CASK: variants seen among roughly 807,000 people sequenced by gnomAD.
CASK encodes the protein peripheral plasma membrane protein CASK.
In CASK, 4 loss-of-function variants were observed where a neutral mutation model predicts 82.9. That is an observed-to-expected ratio of 0.05 (90% CI 0.02 to 0.11). The LOEUF (loss-of-function observed/expected upper bound fraction) is 0.11, where lower values mean the gene tolerates loss of function less well. Among genes scored for constraint, CASK ranks in the 10% least tolerant of loss-of-function variants. CASK has a pLI of 1.00. For synonymous variants in CASK, 259 were observed against 253.5 expected (o/e 1.02, Z -0.20); for missense variants, 358 against 720.9 (o/e 0.50, Z 5.76).
At chrX:41,627,610 C>G (rs1282484120) in intron 9 of CASK, among the ~76,000 whole-genome samples, 2 of 111,716 alleles carry the variant, frequency 1.8e-5, no homozygotes, top group African/African-American at 6.5e-5. Flanking sequence ...CTGCATGCCT[C>G]TGTGTACCCA....
At chrX:41,594,124 C>A (rs1287500325) in intron 12 of CASK, among the ~76,000 whole-genome samples, 1 of 111,766 alleles carries the variant, frequency 8.9e-6, no homozygotes, top group African/African-American at 3.3e-5. Flanking sequence ...AAGCTAAGGC[C>A]AAGAGGAAGT....
chrX:41,873,911 C>T (rs771817316), intron 1 of CASK, among the ~76,000 whole-genome samples: 12 of 108,084 alleles, frequency 1.1e-4, no homozygotes, highest in Non-Finnish European at 1.7e-4. Context: ...CTGCCTCAGC[C>T]TCCTGAGTGG....
At chrX:41,839,640 C>G (rs916565623) in intron 2 of CASK, among the ~76,000 whole-genome samples, 2 of 108,694 alleles carry the variant, frequency 1.8e-5, no homozygotes, top group Non-Finnish European at 3.8e-5. Context: ...CTTATATTTA[C>G]CTTTCTTCCC....
chrX:41,696,302 T>C (rs1201603539), intron 5 of CASK: 2 of 1,182,395 alleles, frequency 1.7e-6, no homozygotes, highest in African/African-American at 3.6e-5. Flanking sequence ...ACTTCATTCT[T>C]GTGGTAATGT....
chrX:41,780,277 A>G (rs988597432), intron 3 of CASK, among the ~76,000 whole-genome samples: 2 of 112,485 alleles, frequency 1.8e-5, no homozygotes, highest in Non-Finnish European at 3.7e-5. Context: ...GCAAATTGCT[A>G]CAGACAGGTT....
chrX:41,880,566 C>T (rs779009895), intron 1 of CASK, among the ~76,000 whole-genome samples: 26 of 111,405 alleles, frequency 2.3e-4, no homozygotes, highest in African/African-American at 8.5e-4. Flanking sequence ...AATATTCTGC[C>T]TCACCATTGG....
intron 12 of CASK, among the ~76,000 whole-genome samples, chrX:41,601,103 G>A (rs1254406130): frequency 9.0e-6 from 1 of 111,246 alleles, no homozygotes; most frequent in Non-Finnish European, 1.9e-5. Flanking sequence ...TAAGGAGAGG[G>A]GTGAATGGGA....
intron 5 of CASK, among the ~76,000 whole-genome samples, chrX:41,737,928 C>T (rs1210536745): frequency 8.8e-6 from 1 of 113,015 alleles, no homozygotes; most frequent in African/African-American, 3.2e-5. Context: ...CTACAGTTGA[C>T]AATTTCCCGC....
At chrX:41,887,981 C>T (rs1295654159) in intron 1 of CASK, among the ~76,000 whole-genome samples, 2 of 111,934 alleles carry the variant, frequency 1.8e-5, no homozygotes, top group Non-Finnish European at 3.8e-5. Context: ...TCTTCTTTCT[C>T]CATTTCATTT....
intron 3 of CASK, among the ~76,000 whole-genome samples, chrX:41,784,859 G>C (rs967421571): frequency 4.5e-5 from 5 of 110,542 alleles, no homozygotes; most frequent in African/African-American, 1.3e-4. Context: ...CTGGGTGACA[G>C]AGTGAGACTC....
chrX:41,564,572 T>C lies in CASK; in HGVS notation c.1583-2928A>G, dbSNP rs182147017. 1.3e-4 allele frequency among the ~76,000 whole-genome samples: 15 copies of C among 111,558 alleles called. No homozygotes were observed. In the East Asian group the frequency reaches 3.9e-3, roughly 29 times the overall value. ...CAAGAATAGGACGGGATGTCTACTA[T>C]ACCACTCCTTGAAAGACTGCCGGTC... On this transcript the variant is annotated intron_variant, in intron 16 of 26. Coordinates refer to ENST00000378163, the MANE Select transcript of CASK (RefSeq NM_001367721.1).
chrX:41,555,981 A>T, intron 19 of CASK: 1 of 164,681 alleles, frequency 6.1e-6, no homozygotes, highest in Non-Finnish European at 1.2e-5. Flanking sequence ...AGTCACTGCA[A>T]CCATTTAGAT....
intron 2 of CASK, among the ~76,000 whole-genome samples, chrX:41,830,817 C>CAAAAAAAAAAAA (rs780864898): frequency 2.7e-5 from 1 of 36,964 alleles, no homozygotes. Context: ...GAGACTCTGC[C>CAAAAAAAAAAAA]AAAAAAAAAA....
intron 20 of CASK, among the ~76,000 whole-genome samples, chrX:41,554,738 A>G (rs1013005199): frequency 9.8e-5 from 11 of 112,099 alleles, no homozygotes; most frequent in African/African-American, 3.6e-4. Flanking sequence ...AAGGTAATTC[A>G]TACCCAATGT....
At chrX:41,874,250 C>A (rs963414303) in intron 1 of CASK, among the ~76,000 whole-genome samples, 1 of 111,343 alleles carries the variant, frequency 9.0e-6, no homozygotes, top group African/African-American at 3.3e-5. Flanking sequence ...TAAACGTGTG[C>A]CATGGTGGTT....
chrX:41,559,628 C>T, intron 18 of CASK, 151 bp downstream of exon 18: 1 of 538,732 alleles, frequency 1.9e-6, no homozygotes, highest in Non-Finnish European at 3.3e-6. Context: ...ATGGGACCTA[C>T]TCTGTTCCGT....
At chrX:41,797,035 C>T (rs2069868902) in intron 2 of CASK, among the ~76,000 whole-genome samples, 1 of 111,409 alleles carries the variant, frequency 9.0e-6, no homozygotes, top group East Asian at 2.8e-4. Context: ...GAAAGCCTTC[C>T]AAAAAATCTT....
In CASK at chrX:41,564,131, T is replaced by C. The variant is rs189945166; in HGVS notation, c.1583-2487A>G. Among the ~76,000 whole-genome samples the C allele has an allele frequency of 4.4e-3, 497 of 111,974 alleles. 4 individuals are homozygous for C. Among genetic ancestry groups the C allele is most frequent in the African/African-American group, 0.015 (476 of 30,811 alleles). On this transcript the variant is annotated intron_variant, in intron 16 of 26. Coordinates refer to ENST00000378163, the MANE Select transcript of CASK (RefSeq NM_001367721.1). ...TTATCTGAGAAATGCAAGGGTAGTT[T>C]ATCATTAGGAAATCTTTAAAAGACA...
intron 6 of CASK, among the ~76,000 whole-genome samples, chrX:41,670,809 G>A (rs947432369): frequency 3.6e-5 from 4 of 111,470 alleles, no homozygotes; most frequent in Non-Finnish European, 7.5e-5. Context: ...TCTGAAGATG[G>A]TCTATGTTGT....
Sources: gnomAD v4.1 joint callset for allele counts (sites outside exome capture counted in the v4.1 genomes callset) on GRCh38, gnomAD v4.1.1 for gene constraint, MANE v1.5 for transcripts, NCBI Gene and HGNC (gene_info 2026-07-23, HGNC 2026-07-21) for gene names.